The following NDST3 variants were observed in gnomAD, a reference collection of about 807,000 sequenced individuals.
NDST3 encodes N-deacetylase and N-sulfotransferase 3, also known as bifunctional heparan sulfate N-deacetylase/N-sulfotransferase 3.
NDST3 carries 58 observed loss-of-function variants against 96.1 expected under a neutral mutation model. The ratio of observed to expected loss-of-function variants is 0.60; its 90% CI spans 0.49 to 0.75. NDST3 has a LOEUF of 0.75. Among genes scored for constraint, NDST3 ranks in the 30% least tolerant of loss-of-function variants. The pLI is 0.00. For missense variants in NDST3, 788 were observed against 1,034.2 expected (o/e 0.76, Z 3.27); for synonymous variants, 333 against 359.7 (o/e 0.93, Z 0.84).
chr4:118,162,543 C>A (rs529176279), intron 6 of NDST3, among the ~76,000 whole-genome samples: 71 of 151,474 alleles, frequency 4.7e-4, no homozygotes, highest in African/African-American at 1.7e-3. Flanking sequence ...AACTGGCTAG[C>A]CATATGTAGA....
At chr4:118,158,421 G>T (rs4833563) in intron 6 of NDST3, among the ~76,000 whole-genome samples, 10 of 151,994 alleles carry the variant, frequency 6.6e-5, no homozygotes, top group African/African-American at 2.2e-4. Context: ...ATTTTAGCAT[G>T]AAAAAAATGG....
chr4:118,136,687 G>T (rs1733125304), intron 4 of NDST3, among the ~76,000 whole-genome samples: 1 of 152,136 alleles, frequency 6.6e-6, no homozygotes, highest in Non-Finnish European at 1.5e-5. Flanking sequence ...TCTCACAGTA[G>T]CAAGATAGTG....
At chr4:118,056,116 T>A (rs535279971) in intron 2 of NDST3, among the ~76,000 whole-genome samples, 108 of 152,082 alleles carry the variant, frequency 7.1e-4, no homozygotes, top group African/African-American at 2.5e-3. Flanking sequence ...TTATTAGGTG[T>A]TTGAAGATTA....
At chr4:118,056,833 A>G (rs10022145) in intron 2 of NDST3, among the ~76,000 whole-genome samples, 5,739 of 152,056 alleles carry the variant, frequency 0.038, 387 homozygotes, top group African/African-American at 0.13. Flanking sequence ...GGGGTGATAA[A>G]TAGGTAAATA....
At chr4:118,178,443 T>G (rs575132301) in intron 6 of NDST3, among the ~76,000 whole-genome samples, 33 of 152,208 alleles carry the variant, frequency 2.2e-4, no homozygotes, top group African/African-American at 7.5e-4. Context: ...TTTTTCTTAT[T>G]GTTACTGGCT....
chr4:118,175,165 C>T (rs1736197777), intron 6 of NDST3, among the ~76,000 whole-genome samples: 1 of 152,086 alleles, frequency 6.6e-6, no homozygotes, highest in Non-Finnish European at 1.5e-5. Flanking sequence ...TCTTGCCTCA[C>T]AGAGGTACCT....
intron 3 of NDST3, among the ~76,000 whole-genome samples, chr4:118,108,540 C>T (rs1207417058): frequency 6.6e-6 from 1 of 152,086 alleles, no homozygotes; most frequent in Non-Finnish European, 1.5e-5. Flanking sequence ...AGAATTCTAT[C>T]TATATACTAC....
chr4:118,065,829 C>G (rs1377369220), intron 2 of NDST3, among the ~76,000 whole-genome samples: 1 of 151,032 alleles, frequency 6.6e-6, no homozygotes, highest in Non-Finnish European at 1.5e-5. Flanking sequence ...GCTTTGATAT[C>G]CTGGTGCCTG....
chr4:118,098,823 A>C (rs1474090623), intron 2 of NDST3, among the ~76,000 whole-genome samples: 1 of 152,074 alleles, frequency 6.6e-6, no homozygotes, highest in South Asian at 2.1e-4. Context: ...TTACTATAAT[A>C]CAGCTACTTG....
intron 2 of NDST3, among the ~76,000 whole-genome samples, chr4:118,087,864 T>C (rs1000756832): frequency 2.0e-5 from 3 of 152,096 alleles, no homozygotes; most frequent in Admixed American, 6.6e-5. Context: ...AGGTTGACCT[T>C]ACCAGTTCTT....
At chr4:118,123,482 C>T (rs1731776230) in intron 4 of NDST3, among the ~76,000 whole-genome samples, 1 of 152,094 alleles carries the variant, frequency 6.6e-6, no homozygotes, top group Non-Finnish European at 1.5e-5. Flanking sequence ...TCAATTCCTC[C>T]ATTATGAATC....
intron 5 of NDST3, among the ~76,000 whole-genome samples, chr4:118,142,254 T>G (rs1733625151): frequency 6.6e-6 from 1 of 151,898 alleles, no homozygotes; most frequent in Non-Finnish European, 1.5e-5. Context: ...ATAAAATAGC[T>G]TCTAAGGATA....
chr4:118,033,794 C>T (rs1724003678), upstream of NDST3: 1 of 152,496 alleles, frequency 6.6e-6, no homozygotes, highest in African/African-American at 2.4e-5. Flanking sequence ...GCTTGTCGCC[C>T]CCGCCGGACC....
At chr4:118,143,428 T>G (rs911911124) in intron 5 of NDST3, 128 bp from the exon 6 acceptor site, 1 of 871,666 alleles carries the variant, frequency 1.1e-6, no homozygotes, top group African/African-American at 1.8e-5. Context: ...TGATAGATTG[T>G]CCAGGCCCTG....
At chr4:118,048,663 C>A (rs552751661) in intron 1 of NDST3, among the ~76,000 whole-genome samples, 1 of 151,924 alleles carries the variant, frequency 6.6e-6, no homozygotes, top group Non-Finnish European at 1.5e-5. Flanking sequence ...GAGTACAATC[C>A]GACAACAAGA....
intron 6 of NDST3, among the ~76,000 whole-genome samples, chr4:118,177,122 C>A (rs1736328588): frequency 1.3e-5 from 2 of 151,836 alleles, no homozygotes; most frequent in South Asian, 4.2e-4. Context: ...TATCAAATTT[C>A]TTAACTATTA....
chr4:118,052,458 G>A (rs896182937), intron 1 of NDST3, among the ~76,000 whole-genome samples: 5 of 151,928 alleles, frequency 3.3e-5, no homozygotes, highest in African/African-American at 4.8e-5. Context: ...CCTGGGTGAC[G>A]GGATCCATAC....
At chr4:118,097,821 T>G (rs577411344) in intron 2 of NDST3, among the ~76,000 whole-genome samples, 3 of 152,016 alleles carry the variant, frequency 2.0e-5, no homozygotes, top group Non-Finnish European at 2.9e-5. Context: ...CTTTATGAGT[T>G]TATTGCCTTA....
intron 5 of NDST3, among the ~76,000 whole-genome samples, chr4:118,139,314 T>C (rs1733378376): frequency 6.6e-6 from 1 of 152,216 alleles, no homozygotes; most frequent in South Asian, 2.1e-4. Flanking sequence ...TGAAAACACA[T>C]TTTTATCTGT....
Sources: gnomAD v4.1 joint callset for allele counts (sites outside exome capture counted in the v4.1 genomes callset) on GRCh38, gnomAD v4.1.1 for gene constraint, MANE v1.5 for transcripts, NCBI Gene and HGNC (gene_info 2026-07-23, HGNC 2026-07-21) for gene names.